The following GPX2 variants were observed in gnomAD, a reference collection of about 807,000 sequenced individuals.
GPX2 encodes gastrointestinal glutathione peroxidase.
Under a neutral mutation model 14.1 loss-of-function variants are expected in GPX2, and 21 were observed. That is an observed-to-expected ratio of 1.48 (90% CI 1.05 to 2.14). GPX2 has a LOEUF of 2.14. GPX2 is among the 30% of genes most tolerant of loss of function. GPX2 has a pLI of 0.00. For missense variants in GPX2, 241 were observed against 249.8 expected (o/e 0.96, Z 0.24); for synonymous variants, 94 against 95.2 (o/e 0.99, Z 0.07).
Position 64,942,598 on chromosome 14 carries a change from G to A in GPX2, c.129C>T (p.Thr43=). 6.2e-7 allele frequency: 1 copy of A among 1,614,212 alleles called. No homozygotes were observed. The highest frequency in any genetic ancestry group is 1.1e-5 in the South Asian group (1 of 91,088). The change falls in exon 1 of 2, where the codon ACC becomes ACT. Residue 43 remains threonine (T), a synonymous_variant. Coordinates refer to ENST00000389614, the MANE Select transcript of GPX2 (RefSeq NM_002083.4). ...CGTTGAGCTGGGTGAAGTCCCGGGT[G>A]GTTGTGCCTCAGAGCGAAGCCACAT... The part of the protein sequence containing the change: ...IENVASLUGT[T]TRDFTQLNEL...
Position 64,939,607 on chromosome 14 carries a change from A to G in GPX2, c.454T>C (p.Trp152Arg). ...WSPVRRSDVA[W>R]NFEKFLIGPE... is the part of the protein sequence containing the mutation. ...CCTATGAGGAACTTCTCAAAGTTCCAGGCCACATCTGAGCGGCGCACAGGG... is the reference window on the plus strand; with the variant it reads ...CCTATGAGGAACTTCTCAAAGTTCCGGGCCACATCTGAGCGGCGCACAGGG... Residue 152 changes from tryptophan (W) to arginine (R), a missense_variant, in exon 2 of 2, where the codon TGG becomes CGG. Trp to Arg is a moderately radical substitution (Grantham distance 101, BLOSUM62 -3). Transcript: ENST00000389614. This position sits in a 1 kb window ranked among gnomAD's most constrained non-coding sequence, Gnocchi z 5.7. 1 of 1,614,180 alleles carries G rather than the reference A, an allele frequency of 6.2e-7. No homozygotes were observed. Among genetic ancestry groups the G allele is most frequent in the Non-Finnish European group, 8.5e-7 (1 of 1,180,014 alleles).
At chr14:64,942,395 A>AC (rs1288702376) in intron 1 of GPX2, 110 bp downstream of exon 1, 1 of 811,620 alleles carries the variant, frequency 1.2e-6, no homozygotes, top group Non-Finnish European at 2.1e-6. Context: ...AACAAAACAT[A>AC]CCCCATTATT....
intron 1 of GPX2, among the ~76,000 whole-genome samples, 191 bp downstream of exon 1, chr14:64,942,314 A>G (rs2139947163): frequency 6.6e-6 from 1 of 152,370 alleles, no homozygotes; most frequent in African/African-American, 2.4e-5. Context: ...AAAATCACAC[A>G]GCCTCAGTGT....
rs1885566599 is a variant in GPX2, at chr14:64,940,365, G to A, written c.223-527C>T. Among the ~76,000 whole-genome samples the A allele has an allele frequency of 2.0e-5, 3 of 152,040 alleles. No individual in the cohort carries two copies. Among genetic ancestry groups the A allele is most frequent in the East Asian group, 1.9e-4 (1 of 5,192 alleles). On this transcript the variant is annotated intron_variant, in intron 1 of 1. Transcript: ENST00000389614. This position sits in a 1 kb window ranked among gnomAD's most constrained non-coding sequence, Gnocchi z 4.5. ...TTGCCTCGCCTGCTTTCAATTGCACGTGTGTTGAGTATAGCCTTTGCCTCT... is the reference window on the plus strand; with the variant it reads ...TTGCCTCGCCTGCTTTCAATTGCACATGTGTTGAGTATAGCCTTTGCCTCT...
chr14:64,939,883 A>G lies in GPX2; in HGVS notation c.223-45T>C. ...AAGTGCGTGGACAGTGGGTGGGGGAAGAGAAAGATCCACAACATGAAACTC... is the reference window on the plus strand; with the variant it reads ...AAGTGCGTGGACAGTGGGTGGGGGAGGAGAAAGATCCACAACATGAAACTC... On this transcript the variant is annotated intron_variant, in intron 1 of 1. Coordinates refer to ENST00000389614, the MANE Select transcript of GPX2 (RefSeq NM_002083.4). The surrounding 1 kb of genome is among the most constrained non-coding windows in gnomAD (Gnocchi z 5.7). 2 of 1,591,268 alleles carry G rather than the reference A, an allele frequency of 1.3e-6. No homozygotes were observed. The highest frequency in any genetic ancestry group is 1.7e-6 in the Non-Finnish European group (2 of 1,166,956).
At chr14:64,942,409 G>T in intron 1 of GPX2, 96 bp downstream of exon 1, 1 of 935,868 alleles carries the variant, frequency 1.1e-6, no homozygotes, top group Non-Finnish European at 1.7e-6. Context: ...CATTATTCCA[G>T]ACACTCCAAA....
chr14:64,941,273 G>T, intron 1 of GPX2: 2 of 885,204 alleles, frequency 2.3e-6, no homozygotes, highest in Non-Finnish European at 2.9e-6. Context: ...TCACCATGTT[G>T]CTCAGGCTAA....
chr14:64,940,335 T>C lies in GPX2; in HGVS notation c.223-497A>G, dbSNP rs1038682806. The C allele has an allele frequency of 5.9e-6, 3 of 504,798 alleles. No homozygotes were observed. Among genetic ancestry groups the C allele is most frequent in the African/African-American group, 5.9e-5 (3 of 50,770 alleles). 31.3% of individuals were successfully genotyped at this position (504,798 alleles called of 1,614,324 possible). A position where few individuals can be genotyped will look rare whatever the true frequency, so the allele number is the denominator to read the frequency against. The stretch of plus-strand genomic sequence containing the variant: ...CACACCCCTTTCCTTTCCTCTGCCC[T>C]GGTTTTGCCTCGCCTGCTTTCAATT... On this transcript the variant is annotated intron_variant, in intron 1 of 1. Coordinates refer to ENST00000389614, the MANE Select transcript of GPX2 (RefSeq NM_002083.4). This position sits in a 1 kb window ranked among gnomAD's most constrained non-coding sequence, Gnocchi z 4.5.
chr14:64,942,052 A>T (rs1466983094), intron 1 of GPX2, among the ~76,000 whole-genome samples: 1 of 152,218 alleles, frequency 6.6e-6, no homozygotes, highest in African/African-American at 2.4e-5. Context: ...GAGGAAACTA[A>T]ACCGAAAAAT....
At chr14:64,941,004 C>G (rs1885603576) in intron 1 of GPX2, among the ~76,000 whole-genome samples, 1 of 152,196 alleles carries the variant, frequency 6.6e-6, no homozygotes, top group Admixed American at 6.5e-5. Flanking sequence ...CTAGTTCAGT[C>G]AGTTCCAGGC....
In GPX2 at chr14:64,939,239, T is replaced by A. The variant is rs1481212076; in HGVS notation, c.*249A>T. 1.0e-5 allele frequency: 5 copies of A among 488,244 alleles called. No homozygotes were observed. The highest frequency in any genetic ancestry group is 1.9e-5 in the Non-Finnish European group (5 of 268,610). The allele number at this position is 488,244 out of a possible 1,614,324, so 30.2% of individuals were successfully genotyped here. ...GCCTCTCAGACACCACCCATGAGGGTTTAGGAAGGTGCCATCATTCTGTGA... is the reference window on the plus strand; with the variant it reads ...GCCTCTCAGACACCACCCATGAGGGATTAGGAAGGTGCCATCATTCTGTGA... On this transcript the variant is annotated 3_prime_UTR_variant, in exon 2 of 2. Coordinates refer to ENST00000389614, the MANE Select transcript of GPX2 (RefSeq NM_002083.4). This position sits in a 1 kb window ranked among gnomAD's most constrained non-coding sequence, Gnocchi z 5.7.
At position 64,939,269 on chromosome 14, in the gene GPX2, C is replaced by T; in HGVS notation, c.*219G>A. 1 of 563,110 alleles carries T rather than the reference C, an allele frequency of 1.8e-6. No homozygotes were observed. The highest frequency in any genetic ancestry group is 1.9e-5 in the African/African-American group (1 of 53,342). 34.9% of individuals were successfully genotyped at this position (563,110 alleles called of 1,614,324 possible). ...GAAGGTGCCATCATTCTGTGAAGGC[C>T]CAGAGCTTACCCAAGTCTTGGAGCC... On this transcript the variant is annotated 3_prime_UTR_variant, in exon 2 of 2. Transcript: ENST00000389614. The surrounding 1 kb of genome is among the most constrained non-coding windows in gnomAD (Gnocchi z 5.7).
chr14:64,941,186 C>T (rs938152644), intron 1 of GPX2: 11 of 269,700 alleles, frequency 4.1e-5, no homozygotes, highest in Non-Finnish European at 7.1e-5. Flanking sequence ...GCTACTTCAG[C>T]GTCCCAAGTA....
Position 64,942,621 on chromosome 14 carries a change from C to A in GPX2, c.106G>T (p.Val36Leu). 6.2e-7 allele frequency: 1 copy of A among 1,614,242 alleles called. No homozygotes were observed. The highest frequency in any genetic ancestry group is 1.3e-5 in the African/African-American group (1 of 75,062). Residue 36 changes from valine to leucine, a missense_variant, in exon 1 of 2, where the codon GTG becomes TTG. Transcript: ENST00000389614. ...FRGRAVLIEN[V>L]ASLUGTTTRD... ...GTGGTTGTGCCTCAGAGCGAAGCCA[C>A]ATTCTCAATCAGCACGGCCCTGCCC...
In GPX2 at chr14:64,940,947, T is replaced by C. The variant is rs1885600849; in HGVS notation, c.223-1109A>G. 6.6e-6 allele frequency among the ~76,000 whole-genome samples: 1 copy of C among 152,218 alleles called. No homozygotes were observed. The highest frequency in any genetic ancestry group is 2.4e-5 in the African/African-American group (1 of 41,446). On this transcript the variant is annotated intron_variant, in intron 1 of 1. Coordinates refer to ENST00000389614, the MANE Select transcript of GPX2 (RefSeq NM_002083.4). This position sits in a 1 kb window ranked among gnomAD's most constrained non-coding sequence, Gnocchi z 4.5. ...CTACCTTTCCAATTTAACAGACAGATACCTTCCTCTGGGAGAAAGTTCCTG... is the reference window on the plus strand; with the variant it reads ...CTACCTTTCCAATTTAACAGACAGACACCTTCCTCTGGGAGAAAGTTCCTG...
chr14:64,941,238 TGCAA>T, intron 1 of GPX2: 1 of 560,614 alleles, frequency 1.8e-6, no homozygotes, highest in Non-Finnish European at 2.5e-6. Context: ...GGCTAATTTT[TGCAA>T]TTTTTTGTAG....
At chr14:64,941,587 T>C in intron 1 of GPX2, 1 of 1,238,032 alleles carries the variant, frequency 8.1e-7, no homozygotes, top group South Asian at 1.4e-5. Context: ...CAGTTTGGGC[T>C]CAGGTTTGTC....
At chr14:64,942,449 C>A (rs1760300209) in intron 1 of GPX2, 56 bp downstream of exon 1, 3 of 1,390,490 alleles carry the variant, frequency 2.2e-6, no homozygotes, top group South Asian at 1.2e-5. Flanking sequence ...CCTTTTATCC[C>A]ACCTGAGCTA....
Position 64,940,036 on chromosome 14 carries a change from C to A in GPX2, c.223-198G>T. On this transcript the variant is annotated intron_variant, in intron 1 of 1. Coordinates refer to ENST00000389614, the MANE Select transcript of GPX2 (RefSeq NM_002083.4). This position sits in a 1 kb window ranked among gnomAD's most constrained non-coding sequence, Gnocchi z 4.5. ...GGCTCAAGCATTCCTCCTGCTTCAG[C>A]CTCTTTAGTAGCTGAGACTACAGAC... 1 of 1,480,896 alleles carries A rather than the reference C, an allele frequency of 6.8e-7. No homozygotes were observed. Among genetic ancestry groups the A allele is most frequent in the Non-Finnish European group, 8.9e-7 (1 of 1,121,520 alleles). 91.7% of individuals were successfully genotyped at this position (1,480,896 alleles called of 1,614,324 possible). A position where few individuals can be genotyped will look rare whatever the true frequency, so the allele number is the denominator to read the frequency against.
Sources: allele counts gnomAD v4.1 joint callset (sites outside exome capture counted in the v4.1 genomes callset), GRCh38; gene constraint gnomAD v4.1.1; non-coding constraint Gnocchi (gnomAD v3.1); transcripts MANE v1.5; gene names NCBI Gene and HGNC (gene_info 2026-07-23, HGNC 2026-07-21).